The following CDX4 variants were observed in gnomAD, a reference collection of about 807,000 sequenced individuals.
The protein encoded by CDX4 is caudal type homeobox 4.
CDX4 carries 11 observed loss-of-function variants against 14.1 expected under a neutral mutation model. The ratio of observed to expected loss-of-function variants is 0.78; its 90% CI spans 0.49 to 1.29. The LOEUF is 1.29. Among genes scored for constraint, CDX4 ranks in the 50% most tolerant of loss-of-function variants. The pLI is 0.00. For synonymous variants in CDX4, 100 were observed against 93.5 expected (o/e 1.07, Z -0.40); for missense variants, 257 against 237.4 (o/e 1.08, Z -0.54).
chrX:73,447,666 C>G lies in CDX4; in HGVS notation c.413C>G (p.Pro138Arg), dbSNP rs781445620. 1.7e-6 allele frequency: 2 copies of G among 1,208,183 alleles called. No homozygotes were observed. The highest frequency in any genetic ancestry group is 4.3e-5 in the Admixed American group (2 of 46,062). Residue 138 changes from proline (P) to arginine (R), a missense_variant, in exon 1 of 3, where the codon CCG (proline) becomes CGG (arginine). Transcript: ENST00000373514. Reference sequence around the variant, plus strand: ...GGCCAGGCTGGCGGGTCGCTTGTCCCGACGGACGCAGGCGCCGCCAAGGCC... The same window carrying G: ...GGCCAGGCTGGCGGGTCGCTTGTCCGGACGGACGCAGGCGCCGCCAAGGCC... ...LPGQAGGSLV[P>R]TDAGAAKASS... is the part of the protein sequence containing the mutation.
chrX:73,448,481 T>C (rs2057077891), intron 1 of CDX4, among the ~76,000 whole-genome samples: 1 of 112,169 alleles, frequency 8.9e-6, no homozygotes, highest in Non-Finnish European at 1.9e-5. Flanking sequence ...TACCTAACCC[T>C]CACACCCGCC....
chrX:73,447,350 G>T lies in CDX4; in HGVS notation c.97G>T (p.Gly33Trp), dbSNP rs940984524. Residue 33 changes from glycine (G) to tryptophan (W), a missense_variant, in exon 1 of 3, where the codon GGG becomes TGG. Transcript: ENST00000373514. ...GDGTAGTGGT[G>W]GGGSPMPASN... ...CGGCACAGCTGGGACAGGCGGCACA[G>T]GGGGCGGTGGGAGTCCGATGCCAGC... is the stretch of plus-strand genomic sequence containing the variant. The T allele has an allele frequency of 3.3e-6, 4 of 1,211,118 alleles. No individual in the cohort carries two copies. The highest frequency in any genetic ancestry group is 3.5e-5 in the African/African-American group (2 of 57,763).
rs747554471 is a variant in CDX4 at position 73,451,927 on chromosome X, T to TA, written c.503-1589dup. Among the ~76,000 whole-genome samples, 14 of 111,913 alleles carry TA rather than the reference T, an allele frequency of 1.3e-4. No individual in the cohort carries two copies. The East Asian group carries it at 2.8e-3, about 22-fold the overall frequency. On this transcript the variant is annotated intron_variant, in intron 1 of 2. Coordinates refer to ENST00000373514, the MANE Select transcript of CDX4 (RefSeq NM_005193.2). Reference sequence around the variant, plus strand: ...TTTGCAACATGCCAAAAGGCAGACTTACGGTTTCCAGGTTTTTGCTTAGAC... The same window carrying TA: ...TTTGCAACATGCCAAAAGGCAGACTTAACGGTTTCCAGGTTTTTGCTTAGAC...
At chrX:73,454,279 G>C (rs981389214) in intron 2 of CDX4, 100 bp from the exon 3 acceptor site, 1 of 541,074 alleles carries the variant, frequency 1.8e-6, no homozygotes, top group African/African-American at 2.4e-5. Context: ...CTGAAATGAA[G>C]TGATGCATAT....
chrX:73,451,540 C>A (rs2057086684), intron 1 of CDX4, among the ~76,000 whole-genome samples: 1 of 110,767 alleles, frequency 9.0e-6, no homozygotes, highest in South Asian at 3.8e-4. Context: ...GGTTATATTG[C>A]CGGAAAGGGT....
chrX:73,449,012 G>A (rs1211495997), intron 1 of CDX4, among the ~76,000 whole-genome samples: 3 of 111,713 alleles, frequency 2.7e-5, no homozygotes, highest in East Asian at 2.8e-4. Context: ...CTAGAGTAGC[G>A]ATCCCAAGGT....
chrX:73,448,975 G>A (rs2057079319), intron 1 of CDX4, among the ~76,000 whole-genome samples: 1 of 112,008 alleles, frequency 8.9e-6, no homozygotes, highest in African/African-American at 3.3e-5. Context: ...TAGCCAGGAA[G>A]AGGAAGTTCT....
chrX:73,454,432 G>T lies in CDX4; in HGVS notation c.702G>T (p.Lys234Asn). 6 of 1,209,515 alleles carry T rather than the reference G, an allele frequency of 5.0e-6. No homozygotes were observed. Among genetic ancestry groups the T allele is most frequent in the Non-Finnish European group, 6.7e-6 (6 of 894,021 alleles). The change falls in exon 3 of 3, where the codon AAG becomes AAT. Residue 234 changes from lysine (K) to asparagine (N), a missense_variant. By Grantham distance (94) the Lys-to-Asn change is moderately conservative. Coordinates refer to ENST00000373514, the MANE Select transcript of CDX4 (RefSeq NM_005193.2). Reference sequence around the variant, plus strand: ...CCAAGGAGAGAAAGATGATCAAAAAGAAAATCTCCCAGTTTGAGAATAGTG... The same window carrying T: ...CCAAGGAGAGAAAGATGATCAAAAATAAAATCTCCCAGTTTGAGAATAGTG... ...RRAKERKMIK[K>N]KISQFENSGG... is the part of the protein sequence containing the mutation.
chrX:73,454,539 G>A lies in CDX4; in HGVS notation c.809G>A (p.Arg270His), dbSNP rs140658145. Reference protein sequence around the residue: ...NTFFTTPSAVRGFQPIEIQQV... With the variant: ...NTFFTTPSAVHGFQPIEIQQV... The stretch of plus-strand genomic sequence containing the variant: ...TTTTTCACCACACCATCTGCTGTTC[G>A]TGGATTTCAACCTATTGAGATACAG... The change falls in exon 3 of 3, where the codon CGT (arginine) becomes CAT (histidine). Residue 270 changes from arginine (R) to histidine (H), a missense_variant. Arg to His is a conservative substitution (Grantham distance 29). Transcript: ENST00000373514. 79 of 1,208,225 alleles carry A rather than the reference G, an allele frequency of 6.5e-5. 1 individual carries two copies. In the Middle Eastern group the frequency reaches 9.2e-4, roughly 14 times the overall value.
At chrX:73,450,201 C>T (rs1251766070) in intron 1 of CDX4, among the ~76,000 whole-genome samples, 1 of 111,555 alleles carries the variant, frequency 9.0e-6, no homozygotes, top group African/African-American at 3.3e-5. Context: ...AATCAGAAAA[C>T]ATTTCATAGC....
chrX:73,451,197 T>C (rs1003533392), intron 1 of CDX4, among the ~76,000 whole-genome samples: 1 of 111,769 alleles, frequency 8.9e-6, no homozygotes, highest in African/African-American at 3.3e-5. Flanking sequence ...TTTTTGGTGC[T>C]TGGGTATGGG....
intron 1 of CDX4, among the ~76,000 whole-genome samples, chrX:73,449,448 G>A (rs1380687427): frequency 1.8e-5 from 2 of 111,494 alleles, no homozygotes; most frequent in Non-Finnish European, 3.8e-5. Flanking sequence ...TCTCTCTTGG[G>A]CAATTCTAAT....
At chrX:73,449,714 G>A (rs2057081332) in intron 1 of CDX4, among the ~76,000 whole-genome samples, 1 of 111,513 alleles carries the variant, frequency 9.0e-6, no homozygotes, top group South Asian at 3.8e-4. Context: ...ATAGTCTAAG[G>A]TGCATATTTA....
chrX:73,452,253 C>T (rs1447781892), intron 1 of CDX4, among the ~76,000 whole-genome samples: 1 of 106,510 alleles, frequency 9.4e-6, no homozygotes, highest in Non-Finnish European at 1.9e-5. Flanking sequence ...GGATCTGATG[C>T]TATGTAACTC....
rs750293125 is a variant in CDX4 at position 73,447,519 on chromosome X, C to A, written c.266C>A (p.Pro89Gln). ...PREDWSVYPG[P>Q]SSTMGTVPVN... is the part of the protein sequence containing the mutation. The stretch of plus-strand genomic sequence containing the variant: ...GAAGACTGGAGCGTGTATCCTGGGC[C>A]GTCTAGTACAATGGGCACAGTGCCG... Residue 89 changes from proline to glutamine, a missense_variant, in exon 1 of 3, where the codon CCG (proline) becomes CAG (glutamine). Physicochemically the swap from Pro to Gln is moderately conservative, Grantham distance 76. Coordinates refer to ENST00000373514, the MANE Select transcript of CDX4 (RefSeq NM_005193.2). 6 of 1,210,033 alleles carry A rather than the reference C, an allele frequency of 5.0e-6. No homozygotes were observed. In the African/African-American group the frequency reaches 8.7e-5, roughly 18 times the overall value.
At position 73,447,419 on chromosome X, in the gene CDX4, T is replaced by C. The variant is rs966881465; in HGVS notation, c.166T>C (p.Tyr56His). 3.3e-6 allele frequency: 4 copies of C among 1,207,973 alleles called. No homozygotes were observed. The Admixed American group carries it at 6.6e-5, about 20-fold the overall frequency. Reference protein sequence around the residue: ...AAPAFSHYMGYPHMPSMDPHW... With the variant: ...AAPAFSHYMGHPHMPSMDPHW... ...ACCGGCTTTCTCGCACTATATGGGG[T>C]ATCCTCATATGCCCAGCATGGATCC... The change falls in exon 1 of 3, where the codon TAT (tyrosine) becomes CAT (histidine). Residue 56 changes from tyrosine (Y) to histidine (H), a missense_variant. Physicochemically the swap from Tyr to His is moderately conservative, Grantham distance 83. Coordinates refer to ENST00000373514, the MANE Select transcript of CDX4 (RefSeq NM_005193.2).
intron 1 of CDX4, among the ~76,000 whole-genome samples, chrX:73,450,957 G>A (rs1179356544): frequency 9.0e-6 from 1 of 111,444 alleles, no homozygotes; most frequent in African/African-American, 3.3e-5. Flanking sequence ...ATTTGCTTGT[G>A]AATTCTGGGG....
At position 73,447,550 on chromosome X, in the gene CDX4, C is replaced by T; in HGVS notation, c.297C>T (p.Asn99=). 1 of 1,211,341 alleles carries T rather than the reference C, an allele frequency of 8.3e-7. No homozygotes were observed. ...PSSTMGTVPV[N]DVTSSPAAFC... Reference sequence around the variant, plus strand: ...GTACAATGGGCACAGTGCCGGTGAACGACGTGACCTCTAGCCCCGCCGCTT... The same window carrying T: ...GTACAATGGGCACAGTGCCGGTGAATGACGTGACCTCTAGCCCCGCCGCTT... The change falls in exon 1 of 3, where the codon AAC becomes AAT. Residue 99 remains asparagine (N), a synonymous_variant. Coordinates refer to ENST00000373514, the MANE Select transcript of CDX4 (RefSeq NM_005193.2).
rs368078652 is a variant in CDX4, at chrX:73,447,456, C to G, written c.203C>G (p.Ser68Cys). The change falls in exon 1 of 3, where the codon TCT becomes TGT. Residue 68 changes from serine to cysteine, a missense_variant. By Grantham distance (112) the Ser-to-Cys change is moderately radical. Transcript: ENST00000373514. Reference protein sequence around the residue: ...HMPSMDPHWPSLGVWGSPYSP... With the variant: ...HMPSMDPHWPCLGVWGSPYSP... ...CCCAGCATGGATCCTCACTGGCCGTCTCTGGGAGTCTGGGGCTCACCCTAC... is the reference window on the plus strand; with the variant it reads ...CCCAGCATGGATCCTCACTGGCCGTGTCTGGGAGTCTGGGGCTCACCCTAC... 1.7e-5 allele frequency: 21 copies of G among 1,209,865 alleles called. No individual in the cohort carries two copies. The highest frequency in any genetic ancestry group is 2.1e-5 in the Non-Finnish European group (19 of 895,025).
Sources: gnomAD v4.1 joint callset for allele counts (sites outside exome capture counted in the v4.1 genomes callset) on GRCh38, gnomAD v4.1.1 for gene constraint, MANE v1.5 for transcripts, NCBI Gene and HGNC (gene_info 2026-07-23, HGNC 2026-07-21) for gene names.